The following ATP7B variants were observed in gnomAD, a reference collection of about 807,000 sequenced individuals.
The protein encoded by ATP7B is copper-transporting ATPase 2.
ATP7B carries 113 observed loss-of-function variants against 118.9 expected under a neutral mutation model. That is an observed-to-expected ratio of 0.95 (90% confidence interval 0.82 to 1.11). The LOEUF is 1.11. ATP7B is among the 50% of genes most tolerant of loss of function. The pLI, the probability that ATP7B is intolerant of heterozygous loss-of-function variation, is 0.00. For missense variants in ATP7B, 1,867 were observed against 1,871.4 expected (o/e 1.00, Z 0.04); for synonymous variants, 777 against 727.4 (o/e 1.07, Z -1.10).
At chr13:51,971,502 G>A (rs1005423962) in intron 2 of ATP7B, among the ~76,000 whole-genome samples, 1 of 152,124 alleles carries the variant, frequency 6.6e-6, no homozygotes, top group African/African-American at 2.4e-5. Context: ...TCTGTAATAT[G>A]TAAGTTCAGT....
Position 51,937,359 on chromosome 13 carries a change from A to G in ATP7B, c.3938T>C (p.Leu1313Pro). 1.2e-6 allele frequency: 2 copies of G among 1,614,232 alleles called. No homozygotes were observed. The highest frequency in any genetic ancestry group is 2.2e-5 in the South Asian group (2 of 91,088). The stretch of plus-strand genomic sequence containing the variant: ...TATCCTTCGGACAGTCCTCTTGGAA[A>G]GGTGAATGCTAGCCACCACATCCAG... ...DLLDVVASIH[L>P]SKRTVRRIRI... Residue 1313 changes from leucine (L) to proline (P), a missense_variant, in exon 19 of 21, where the codon CTT becomes CCT. Leu to Pro is a moderately conservative substitution (Grantham distance 98, BLOSUM62 -3). Coordinates refer to ENST00000242839, the MANE Select transcript of ATP7B (RefSeq NM_000053.4).
rs373641722 is a variant in ATP7B, at chr13:51,950,274, G to A, written c.2573C>T (p.Thr858Ile). 1.2e-6 allele frequency: 2 copies of A among 1,614,028 alleles called. No homozygotes were observed. The highest frequency in any genetic ancestry group is 2.7e-5 in the African/African-American group (2 of 74,922). The part of the protein sequence containing the change: ...GNTMADESLI[T>I]GEAMPVTKKP... Reference sequence around the variant, plus strand: ...GAACATGAAACAAGCCATCTCACCTGTGATGAGGGACTCATCAGCCATGGT... The same window carrying A: ...GAACATGAAACAAGCCATCTCACCTATGATGAGGGACTCATCAGCCATGGT... Residue 858 changes from threonine to isoleucine, a missense_variant and splice_region_variant, in exon 10 of 21, where the codon ACA (threonine) becomes ATA (isoleucine). By Grantham distance (89) the Thr-to-Ile change is moderately conservative (BLOSUM62 -1). Transcript: ENST00000242839.
Position 52,011,442 on chromosome 13 carries a change from G to A in ATP7B, c.-105C>T, listed in dbSNP as rs71436268. 75 of 1,466,476 alleles carry A rather than the reference G, an allele frequency of 5.1e-5. No homozygotes were observed. The highest frequency in any genetic ancestry group is 1.3e-4 in the South Asian group (11 of 86,718). The allele number at this position is 1,466,476 out of a possible 1,614,324, so 90.8% of individuals were successfully genotyped here. A position where few individuals can be genotyped will look rare whatever the true frequency, so the allele number is the denominator to read the frequency against. On this transcript the variant is annotated 5_prime_UTR_variant, in exon 1 of 21. Coordinates refer to ENST00000242839, the MANE Select transcript of ATP7B (RefSeq NM_000053.4). ...TTAAAGTCCCGGGAGAGGAGGCGCA[G>A]AGTGTGAGGGCATCGGCGCGGCTCG...
At position 51,950,028 on chromosome 13, in the gene ATP7B, C is replaced by T; in HGVS notation, c.2709G>A (p.Val903=). 6.2e-7 allele frequency: 1 copy of T among 1,614,202 alleles called. No homozygotes were observed. The highest frequency in any genetic ancestry group is 8.5e-7 in the Non-Finnish European group (1 of 1,180,034). Residue 903 remains valine, a synonymous_variant, in exon 11 of 21, where the codon GTG becomes GTA. Transcript: ENST00000242839. Reference sequence around the variant, plus strand: ...TTACCTTTGACATCTGAGCCTCTTCCACCAGTTTCACAATCTGAGCCAAAG... The same window carrying T: ...TTACCTTTGACATCTGAGCCTCTTCTACCAGTTTCACAATCTGAGCCAAAG... The part of the protein sequence containing the change: ...DTTLAQIVKL[V]EEAQMSKAPI...
intron 4 of ATP7B, chr13:51,966,862 C>A: frequency 1.2e-6 from 2 of 1,612,614 alleles, no homozygotes. Flanking sequence ...AATGGCCAAG[C>A]CAGATTGTAT....
rs770476085 is a variant in ATP7B at position 52,011,367 on chromosome 13, G to C, written c.-30C>G. On this transcript the variant is annotated 5_prime_UTR_variant, in exon 1 of 21. The change creates a new upstream start codon in the 5' untranslated region. Coordinates refer to ENST00000242839, the MANE Select transcript of ATP7B (RefSeq NM_000053.4). ...CCGCACGGACACCGAATTCTTCTCT[G>C]ATCTGGCTCAGAGCAAAAGGTCACC... is the stretch of plus-strand genomic sequence containing the variant. The C allele has an allele frequency of 1.2e-6, 2 of 1,614,178 alleles. No individual in the cohort carries two copies. Among genetic ancestry groups the C allele is most frequent in the South Asian group, 2.2e-5 (2 of 91,088 alleles).
chr13:51,979,073 G>C (rs148835021), intron 1 of ATP7B: 2,073 of 152,398 alleles, frequency 0.014, 71 homozygotes, highest in Admixed American at 0.081. Flanking sequence ...TGGGTACTGA[G>C]AGGGAGTGTC....
intron 2 of ATP7B, among the ~76,000 whole-genome samples, chr13:51,972,431 A>C (rs1302929643): frequency 6.7e-6 from 1 of 149,870 alleles, no homozygotes; most frequent in Non-Finnish European, 1.5e-5. Context: ...CCGGCCCCAC[A>C]CTCTCCCTCA....
chr13:52,008,301 C>T (rs577361123), intron 1 of ATP7B, among the ~76,000 whole-genome samples: 2 of 152,346 alleles, frequency 1.3e-5, no homozygotes, highest in Admixed American at 1.3e-4. Flanking sequence ...GATCCCGCCA[C>T]TGCACTCCAG....
chr13:51,990,548 A>G (rs1952859549), intron 1 of ATP7B, among the ~76,000 whole-genome samples: 1 of 152,256 alleles, frequency 6.6e-6, no homozygotes, highest in African/African-American at 2.4e-5. Flanking sequence ...AAAGAACTAC[A>G]CTTCTATACT....
At chr13:51,950,430 G>A (rs1957927136) in intron 9 of ATP7B, 31 bp from the exon 10 acceptor site, 2 of 1,612,554 alleles carry the variant, frequency 1.2e-6, no homozygotes, top group East Asian at 2.2e-5. Context: ...CACTCACATG[G>A]CCACTCATTC....
rs752114236 is a variant in ATP7B at position 51,944,172 on chromosome 13, C to T, written c.3180G>A (p.Val1060=). Reference sequence around the variant, plus strand: ...GTTCACTGCTGGCCTCCGCAGTCCCCACCACAGCCAGAACCTTCCTGAGGG... The same window carrying T: ...GTTCACTGCTGGCCTCCGCAGTCCCTACCACAGCCAGAACCTTCCTGAGGG... The part of the protein sequence containing the change: ...TLPLRKVLAV[V]GTAEASSEHP... The change falls in exon 14 of 21, where the codon GTG becomes GTA. Residue 1060 remains valine, a synonymous_variant. Coordinates refer to ENST00000242839, the MANE Select transcript of ATP7B (RefSeq NM_000053.4). 1 of 1,614,188 alleles carries T rather than the reference C, an allele frequency of 6.2e-7. No homozygotes were observed. The highest frequency in any genetic ancestry group is 8.5e-7 in the Non-Finnish European group (1 of 1,180,036).
At position 51,934,612 on chromosome 13, in the gene ATP7B, T is replaced by G; in HGVS notation, c.*144A>C. 7.4e-7 allele frequency: 1 copy of G among 1,357,634 alleles called. No homozygotes were observed. Among genetic ancestry groups the G allele is most frequent in the South Asian group, 1.3e-5 (1 of 79,748 alleles). The allele number at this position is 1,357,634 out of a possible 1,614,324, so 84.1% of individuals were successfully genotyped here. On this transcript the variant is annotated 3_prime_UTR_variant, in exon 21 of 21. Coordinates refer to ENST00000242839, the MANE Select transcript of ATP7B (RefSeq NM_000053.4). ...GCTGCACCCAGACAAGGCCGCGTGC[T>G]GCAGGGCAGGATGACTGGACATATC...
At chr13:51,967,174 G>T in intron 4 of ATP7B, 1 of 1,547,692 alleles carries the variant, frequency 6.5e-7, no homozygotes, top group East Asian at 2.2e-5. Flanking sequence ...CTTTGGACAG[G>T]AGTTAACTAA....
At chr13:51,998,322 A>G (rs1297801210) in intron 1 of ATP7B, among the ~76,000 whole-genome samples, 1 of 152,226 alleles carries the variant, frequency 6.6e-6, no homozygotes, top group Non-Finnish European at 1.5e-5. Flanking sequence ...ATCCTGGAAC[A>G]CAAGGATCTC....
chr13:51,989,041 A>C (rs1952792102), intron 1 of ATP7B, among the ~76,000 whole-genome samples: 1 of 152,138 alleles, frequency 6.6e-6, no homozygotes, highest in Non-Finnish European at 1.5e-5. Context: ...TGTACCCCAG[A>C]ACTTAAAGTA....
At chr13:51,975,456 C>T in intron 1 of ATP7B, 1 of 585,120 alleles carries the variant, frequency 1.7e-6, no homozygotes, top group East Asian at 4.1e-5. Context: ...AAGCACGACA[C>T]AGCTTTACAT....
chr13:51,962,865 G>A (rs1958840377), intron 5 of ATP7B, among the ~76,000 whole-genome samples: 1 of 152,134 alleles, frequency 6.6e-6, no homozygotes, highest in South Asian at 2.1e-4. Flanking sequence ...GCCGAGGCAG[G>A]TGGATCACCT....
intron 3 of ATP7B, among the ~76,000 whole-genome samples, chr13:51,969,757 A>ATG (rs1429434520): frequency 6.6e-6 from 1 of 152,228 alleles, no homozygotes; most frequent in Non-Finnish European, 1.5e-5. Flanking sequence ...GGGATCTCCT[A>ATG]TTAACACCTC....
Sources: allele counts gnomAD v4.1 joint callset (sites outside exome capture counted in the v4.1 genomes callset), GRCh38; gene constraint gnomAD v4.1.1; transcripts MANE v1.5; gene names NCBI Gene and HGNC (gene_info 2026-07-23, HGNC 2026-07-21).